The following ADAM33 variants were observed in gnomAD, a reference collection of about 807,000 sequenced individuals.
The protein encoded by ADAM33 is disintegrin and metalloproteinase domain-containing protein 33.
Under a neutral mutation model 106.2 loss-of-function variants are expected in ADAM33, and 103 were observed. The ratio of observed to expected loss-of-function variants is 0.97; its 90% CI spans 0.83 to 1.14. The LOEUF (loss-of-function observed/expected upper bound fraction) is 1.14, where lower values mean the gene tolerates loss of function less well. ADAM33 is among the 50% of genes most tolerant of loss of function. The probability of loss-of-function intolerance (pLI) is 0.00; values close to 1 mark genes in which losing one functional copy is unlikely to be tolerated. For missense variants in ADAM33, 1,120 were observed against 1,096.6 expected, an observed-to-expected ratio of 1.02 and a Z score of -0.30; for synonymous variants, 483 against 453.0, an observed-to-expected ratio of 1.07 and a Z score of -0.84.
chr20:3,671,467 A>C lies in ADAM33; in HGVS notation c.1935T>G (p.Asn645Lys). 1.9e-6 allele frequency: 3 copies of C among 1,611,704 alleles called. No individual in the cohort carries two copies. Among genetic ancestry groups the C allele is most frequent in the Non-Finnish European group, 1.7e-6 (2 of 1,178,754 alleles). The change falls in exon 17 of 22, where the codon AAT (asparagine) becomes AAG (lysine). Residue 645 changes from asparagine to lysine, a missense_variant. Transcript: ENST00000356518. The stretch of plus-strand genomic sequence containing the variant: ...GGCAGCGCTGAAGCTCCTGGAAGGC[A>C]TTCTTCCTGCAGCGCCTGCTCTGGC... The part of the protein sequence containing the change: ...MVCQSRRCRK[N>K]AFQELQRCLT...
rs527270111 is a variant in ADAM33 at position 3,673,745 on chromosome 20, G to C, written c.905C>G (p.Thr302Arg). ...QRPHDSAQLLTGRAFQGATVG... is the reference protein window; with the variant it reads ...QRPHDSAQLLRGRAFQGATVG... ...CCGCGTCCGGGTCAGAGGCACCCAC[G>C]TGAGCAGCTGCGCGGAGTCGTGGGG... Residue 302 changes from threonine to arginine, a missense_variant and splice_region_variant, in exon 9 of 22, where the codon ACG becomes AGG. Physicochemically the swap from Thr to Arg is moderately conservative, Grantham distance 71. Transcript: ENST00000356518. 1.4e-5 allele frequency: 21 copies of C among 1,499,304 alleles called. No homozygotes were observed. The Admixed American group carries it at 3.1e-4, about 22-fold the overall frequency. The allele number at this position is 1,499,304 out of a possible 1,614,324, so 92.9% of individuals were successfully genotyped here.
chr20:3,673,204 T>C, intron 11 of ADAM33, 150 bp downstream of exon 11: 1 of 1,531,678 alleles, frequency 6.5e-7, no homozygotes, highest in Non-Finnish European at 8.7e-7. Context: ...GCTTCTTCCC[T>C]TTAAGCCTCA....
chr20:3,673,600 C>G lies in ADAM33; in HGVS notation c.964G>C (p.Ala322Pro), dbSNP rs755081510. 5.8e-6 allele frequency: 8 copies of G among 1,371,110 alleles called. No individual in the cohort carries two copies. The highest frequency in any genetic ancestry group is 7.5e-6 in the Non-Finnish European group (8 of 1,069,836). The allele number at this position is 1,371,110 out of a possible 1,614,324, so 84.9% of individuals were successfully genotyped here. A position where few individuals can be genotyped will look rare whatever the true frequency, so the allele number is the denominator to read the frequency against. ...GLAPVEGMCR[A>P]ESSGGVSTDH... is the part of the protein sequence containing the mutation. The stretch of plus-strand genomic sequence containing the variant: ...GTGCTCACGCCTCCCGAGCTCTCGG[C>G]GCGGCACATGCCCTCGACGGGCGCC... The change falls in exon 10 of 22, where the codon GCC becomes CCC. Residue 322 changes from alanine to proline, a missense_variant. Transcript: ENST00000356518.
intron 19 of ADAM33, 170 bp from the exon 20 acceptor site, chr20:3,669,807 G>T: frequency 1.4e-6 from 1 of 717,934 alleles, no homozygotes; most frequent in South Asian, 1.5e-5. Flanking sequence ...CTCTTCAGGG[G>T]AGCCTTGGGA....
At chr20:3,680,078 G>A (rs1470491149) in intron 1 of ADAM33, among the ~76,000 whole-genome samples, 1 of 152,146 alleles carries the variant, frequency 6.6e-6, no homozygotes, top group African/African-American at 2.4e-5. Flanking sequence ...TGTCCTGGTG[G>A]CAGGGTTTTG....
At position 3,672,661 on chromosome 20, in the gene ADAM33, G is replaced by A. The variant is rs774461227; in HGVS notation, c.1312-35C>T. The A allele has an allele frequency of 2.2e-5, 36 of 1,611,484 alleles. No individual in the cohort carries two copies. In the Admixed American group the frequency reaches 5.7e-4, roughly 25 times the overall value. ...GAAAGGCAAGAAGGGCCCAGGTGAG[G>A]GCGCAGCGCCCCAGACCTGAGCGGA... On this transcript the variant is annotated intron_variant, in intron 12 of 21. Coordinates refer to ENST00000356518, the MANE Select transcript of ADAM33 (RefSeq NM_025220.5).
rs1461520398 is a variant in ADAM33 at position 3,668,124 on chromosome 20, A to G, written c.*839T>C. On this transcript the variant is annotated 3_prime_UTR_variant, in exon 22 of 22. Coordinates refer to ENST00000356518, the MANE Select transcript of ADAM33 (RefSeq NM_025220.5). ...CCTGAGCAGCTAGGCCTACAGGTAC[A>G]CACCACCACGCCCAGCTAATTTTAA... is the stretch of plus-strand genomic sequence containing the variant. 1.3e-5 allele frequency: 2 copies of G among 152,468 alleles called. No individual in the cohort carries two copies. The highest frequency in any genetic ancestry group is 2.9e-5 in the Non-Finnish European group (2 of 68,322). 9.4% of individuals were successfully genotyped at this position (152,468 alleles called of 1,614,324 possible).
At chr20:3,678,916 G>C (rs572109606) in intron 2 of ADAM33, among the ~76,000 whole-genome samples, 2 of 152,316 alleles carry the variant, frequency 1.3e-5, no homozygotes, top group East Asian at 3.9e-4. Flanking sequence ...ATTGGGAAGA[G>C]GCTGGGGCAG....
chr20:3,673,018 G>C lies in ADAM33; in HGVS notation c.1134-120C>G, dbSNP rs374875622. The stretch of plus-strand genomic sequence containing the variant: ...GACGCGCAGAGCCCAGAGAGGGGAA[G>C]TAACCCGCGCAAAGTCACACAACAA... On this transcript the variant is annotated intron_variant, in intron 11 of 21. Transcript: ENST00000356518. The C allele has an allele frequency of 4.4e-4, 629 of 1,435,922 alleles. 3 individuals carry two copies. The African/African-American group carries it at 7.9e-3, about 18-fold the overall frequency. 88.9% of individuals were successfully genotyped at this position (1,435,922 alleles called of 1,614,324 possible). A position where few individuals can be genotyped will look rare whatever the true frequency, so the allele number is the denominator to read the frequency against.
At position 3,671,625 on chromosome 20, in the gene ADAM33, C is replaced by G. The variant is rs1451101134; in HGVS notation, c.1861G>C (p.Gly621Arg). 6 of 1,581,262 alleles carry G rather than the reference C, an allele frequency of 3.8e-6. No homozygotes were observed. The highest frequency in any genetic ancestry group is 5.2e-6 in the Non-Finnish European group (6 of 1,163,260). The change falls in exon 16 of 22, where the codon GGC (glycine) becomes CGC (arginine). Residue 621 changes from glycine (G) to arginine (R), a missense_variant. Coordinates refer to ENST00000356518, the MANE Select transcript of ADAM33 (RefSeq NM_025220.5). Reference protein sequence around the residue: ...ALPSAQLDLLGLGLVEPGTQC... With the variant: ...ALPSAQLDLLRLGLVEPGTQC... ...GTGCCTGGCTCTACCAGGCCCAGGC[C>G]AAGCAGGTCCAGCTGGGCACTGGGG...
chr20:3,679,706 C>A, intron 1 of ADAM33, 135 bp from the exon 2 acceptor site: 1 of 689,014 alleles, frequency 1.5e-6, no homozygotes, highest in African/African-American at 1.8e-5. Context: ...ACCTTCAACA[C>A]GCGTGGGCTC....
In ADAM33 at chr20:3,669,471, A is replaced by G. The variant is rs111935655; in HGVS notation, c.2332+75T>C. 2.8e-3 allele frequency: 4,267 copies of G among 1,544,038 alleles called. 98 individuals are homozygous for G. The African/African-American group carries it at 0.047, about 17-fold the overall frequency. On this transcript the variant is annotated intron_variant, in intron 20 of 21. Coordinates refer to ENST00000356518, the MANE Select transcript of ADAM33 (RefSeq NM_025220.5). ...GACTCAAGGTGACTGGGTGCTGCCC[A>G]TCTGGAAGGAGGCAGGAGGCATGAG...
At chr20:3,677,965 C>T (rs2088125013) in intron 2 of ADAM33, among the ~76,000 whole-genome samples, 1 of 152,238 alleles carries the variant, frequency 6.6e-6, no homozygotes, top group Non-Finnish European at 1.5e-5. Context: ...CCCCCGACTC[C>T]TTTTCTCCAA....
At chr20:3,669,918 C>G (rs2087421741) in intron 19 of ADAM33, 2 of 561,798 alleles carry the variant, frequency 3.6e-6, no homozygotes, top group Non-Finnish European at 6.4e-6. Context: ...TCTCCAGATG[C>G]TGGCATCGCT....
chr20:3,676,191 C>T (rs1158735741), intron 3 of ADAM33, among the ~76,000 whole-genome samples: 1 of 152,114 alleles, frequency 6.6e-6, no homozygotes, highest in African/African-American at 2.4e-5. Context: ...CCCAAGGCAC[C>T]TTCCTGAGCA....
At chr20:3,677,174 G>C in intron 2 of ADAM33, 31 bp from the exon 3 acceptor site, 1 of 1,568,810 alleles carries the variant, frequency 6.4e-7, no homozygotes, top group Non-Finnish European at 8.6e-7. Flanking sequence ...AGCTGAGATG[G>C]TGGCCTCCAG....
In ADAM33 at chr20:3,675,174, C is replaced by T; in HGVS notation, c.255-69G>A. Reference sequence around the variant, plus strand: ...TGCCTCCTCCAGGATGTCTCCCAGCCTTCCTCCCTAAATGCTAATGGAGCA... The same window carrying T: ...TGCCTCCTCCAGGATGTCTCCCAGCTTTCCTCCCTAAATGCTAATGGAGCA... On this transcript the variant is annotated intron_variant, in intron 3 of 21. Transcript: ENST00000356518. This position sits in a 1 kb window ranked among gnomAD's most constrained non-coding sequence, Gnocchi z 4.1. 1 of 1,238,528 alleles carries T rather than the reference C, an allele frequency of 8.1e-7. No homozygotes were observed. The highest frequency in any genetic ancestry group is 1.2e-6 in the Non-Finnish European group (1 of 860,992). 76.7% of individuals were successfully genotyped at this position (1,238,528 alleles called of 1,614,324 possible). A position where few individuals can be genotyped will look rare whatever the true frequency, so the allele number is the denominator to read the frequency against.
chr20:3,672,815 G>A lies in ADAM33; in HGVS notation c.1217C>T (p.Ser406Phe). Residue 406 changes from serine to phenylalanine, a missense_variant, in exon 12 of 22, where the codon TCC becomes TTC. Ser to Phe is a radical substitution (Grantham distance 155, BLOSUM62 -2). Coordinates refer to ENST00000356518, the MANE Select transcript of ADAM33 (RefSeq NM_025220.5). The part of the protein sequence containing the change: ...FFRKGGGACL[S>F]NAPDPGLPVP... ...CGGGAGTCCGGGGTCCGGGGCATTG[G>A]AGAGGCAAGCGCCGCCCCCCTTGCG... 2 of 1,577,548 alleles carry A rather than the reference G, an allele frequency of 1.3e-6. No individual in the cohort carries two copies. Among genetic ancestry groups the A allele is most frequent in the Non-Finnish European group, 1.7e-6 (2 of 1,165,854 alleles).
chr20:3,670,142 GC>G (rs2087434991), intron 19 of ADAM33: 1 of 206,304 alleles, frequency 4.8e-6, no homozygotes, highest in Admixed American at 5.4e-5. Context: ...GCCACCCTCT[GC>G]AGCGCCCCCT....
Sources: allele counts gnomAD v4.1 joint callset (sites outside exome capture counted in the v4.1 genomes callset), GRCh38; gene constraint gnomAD v4.1.1; non-coding constraint Gnocchi (gnomAD v3.1); transcripts MANE v1.5; gene names NCBI Gene and HGNC (gene_info 2026-07-23, HGNC 2026-07-21).